Variants in PCDHGA2 observed in about 807,000 individuals in gnomAD.
PCDHGA2 encodes the protein protocadherin gamma subfamily A, 2.
In PCDHGA2, 40 loss-of-function variants were observed where a neutral mutation model predicts 59.2. The observed-to-expected ratio is 0.68, with a 90% CI of 0.52 to 0.88. The LOEUF (loss-of-function observed/expected upper bound fraction) is 0.88, where lower values mean the gene tolerates loss of function less well. Ranked by LOEUF, PCDHGA2 falls within the 40% of genes least tolerant of loss-of-function variation. The probability of loss-of-function intolerance (pLI) is 0.00; values close to 1 mark genes in which losing one functional copy is unlikely to be tolerated. For missense variants in PCDHGA2, 1,226 were observed against 1,204.0 expected, an observed-to-expected ratio of 1.02 and a Z score of -0.27; for synonymous variants, 560 against 526.0, an observed-to-expected ratio of 1.06 and a Z score of -0.89.
intron 1 of PCDHGA2, chr5:141,428,064 G>A: frequency 6.2e-7 from 1 of 1,609,060 alleles, no homozygotes; most frequent in East Asian, 2.2e-5. Flanking sequence ...GGCGGTGGAC[G>A]CAGATTCGGG....
intron 1 of PCDHGA2, chr5:141,393,144 G>T (rs745405842): frequency 1.2e-6 from 2 of 1,613,316 alleles, no homozygotes; most frequent in Non-Finnish European, 1.7e-6. Flanking sequence ...CACCCTGGTT[G>T]AGGATAAAGG....
chr5:141,474,608 T>C (rs1469173973), intron 1 of PCDHGA2, among the ~76,000 whole-genome samples: 1 of 152,268 alleles, frequency 6.6e-6, no homozygotes, highest in Non-Finnish European at 1.5e-5. Flanking sequence ...AGGTCACATA[T>C]GGCTTTTCAT....
chr5:141,356,310 C>A lies in PCDHGA2; in HGVS notation c.2424+14915C>A, dbSNP rs1396473104. ...CGGGTACAGTAATTGCACTTTTCAA[C>A]GTGCATGACAGTGACTCAGGAGGAA... On this transcript the variant is annotated intron_variant, in intron 1 of 3. Transcript: ENST00000394576. 7.7e-6 allele frequency: 12 copies of A among 1,553,978 alleles called. No homozygotes were observed. The highest frequency in any genetic ancestry group is 2.7e-5 in the African/African-American group (2 of 73,252).
intron 1 of PCDHGA2, chr5:141,395,849 C>G (rs1173151406): frequency 6.6e-6 from 1 of 152,094 alleles, no homozygotes; most frequent in African/African-American, 2.4e-5. Flanking sequence ...GGAGATGAGA[C>G]TGGTTACTAA....
intron 1 of PCDHGA2, chr5:141,395,547 TGTGTG>T (rs2093267739): frequency 0.011 from 1,902 of 174,314 alleles, 94 homozygotes; most frequent in African/African-American, 0.026. Flanking sequence ...ATTGTTTGTG[TGTGTG>T]TGTGTGTGTG....
intron 1 of PCDHGA2, chr5:141,398,715 G>A: frequency 1.2e-6 from 2 of 1,613,850 alleles, no homozygotes; most frequent in Non-Finnish European, 1.7e-6. Flanking sequence ...AACTGGCACT[G>A]GAGAAAACCT....
At position 141,421,819 on chromosome 5, in the gene PCDHGA2, G is replaced by C. The variant is rs752366104; in HGVS notation, c.2425-72988G>C. The C allele has an allele frequency of 3.8e-5, 61 of 1,613,688 alleles. No homozygotes were observed. Among genetic ancestry groups the C allele is most frequent in the Non-Finnish European group, 4.9e-5 (58 of 1,179,892 alleles). ...GGCCAAGAATCCAGAGCTAGTACTG[G>C]AGGGAAGCCTGGACCGAGAGAAAGA... On this transcript the variant is annotated intron_variant, in intron 1 of 3. Coordinates refer to ENST00000394576, the MANE Select transcript of PCDHGA2 (RefSeq NM_018915.4).
chr5:141,403,927 G>A, intron 1 of PCDHGA2: 3 of 1,613,852 alleles, frequency 1.9e-6, no homozygotes, highest in East Asian at 2.2e-5. Context: ...AAGATGGTGG[G>A]GGATTGAAAG....
In PCDHGA2 at chr5:141,471,046, CTTT is replaced by C. The variant is rs1170588345; in HGVS notation, c.2425-23743_2425-23741del. ...ATTTTTATTAACAAGCCCAAGCCCT[CTTT>C]TTTTTTTTTTTTTTTTTGAGACAGG... On this transcript the variant is annotated intron_variant, in intron 1 of 3. Coordinates refer to ENST00000394576, the MANE Select transcript of PCDHGA2 (RefSeq NM_018915.4). 4.8e-4 allele frequency among the ~76,000 whole-genome samples: 54 copies of C among 113,240 alleles called. 1 individual carries two copies. Among genetic ancestry groups the C allele is most frequent in the Middle Eastern group, 5.2e-3 (1 of 192 alleles). 74.3% of individuals were successfully genotyped at this position (113,240 alleles called of 152,430 possible).
At chr5:141,394,150 A>G in intron 1 of PCDHGA2, 3 of 1,613,916 alleles carry the variant, frequency 1.9e-6, no homozygotes, top group East Asian at 2.2e-5. Context: ...GCAGACATTA[A>G]CGACAACCCT....
At chr5:141,378,836 C>T (rs912790603) in intron 1 of PCDHGA2, 1 of 152,138 alleles carries the variant, frequency 6.6e-6, no homozygotes, top group African/African-American at 2.4e-5. Flanking sequence ...CAGAAAACAG[C>T]AGAGTTTTTG....
intron 1 of PCDHGA2, chr5:141,403,714 C>A: frequency 1.2e-6 from 2 of 1,613,910 alleles, no homozygotes; most frequent in South Asian, 1.1e-5. Context: ...TCCTTGAGAA[C>A]GTGCCCCCAG....
chr5:141,370,357 C>G, intron 1 of PCDHGA2: 2 of 1,511,536 alleles, frequency 1.3e-6, no homozygotes, highest in East Asian at 2.3e-5. Flanking sequence ...AAGATCTCCT[C>G]TCCTCGGATT....
At chr5:141,358,546 G>A (rs1278401378) in intron 1 of PCDHGA2, among the ~76,000 whole-genome samples, 2 of 152,144 alleles carry the variant, frequency 1.3e-5, no homozygotes, top group Non-Finnish European at 2.9e-5. Context: ...TCTTGTTGCT[G>A]TTCTGAGATG....
rs143767010 is a variant in PCDHGA2 at position 141,460,190 on chromosome 5, A to G, written c.2425-34617A>G. 3.2e-3 allele frequency among the ~76,000 whole-genome samples: 486 copies of G among 152,218 alleles called. 1 individual carries two copies. Among genetic ancestry groups the G allele is most frequent in the Non-Finnish European group, 4.9e-3 (336 of 68,006 alleles). ...TTTTGTGGATATTTTATCCCAGACTATGACTTGTCTTTTCATTTTCTTAGT... is the reference window on the plus strand; with the variant it reads ...TTTTGTGGATATTTTATCCCAGACTGTGACTTGTCTTTTCATTTTCTTAGT... On this transcript the variant is annotated intron_variant, in intron 1 of 3. Coordinates refer to ENST00000394576, the MANE Select transcript of PCDHGA2 (RefSeq NM_018915.4).
At chr5:141,400,498 A>G (rs1181845890) in intron 1 of PCDHGA2, 2 of 1,614,034 alleles carry the variant, frequency 1.2e-6, no homozygotes, top group Non-Finnish European at 1.7e-6. Flanking sequence ...TTGTAATTCC[A>G]GCGAGTCGAC....
intron 1 of PCDHGA2, chr5:141,379,581 T>A (rs1300858565): frequency 6.6e-6 from 1 of 152,240 alleles, no homozygotes; most frequent in Non-Finnish European, 1.5e-5. Context: ...TGGTTTATTT[T>A]ATTCTCTTAT....
chr5:141,511,320 A>G lies in PCDHGA2; in HGVS notation c.*147A>G. ...CATGCTCCCCTTGGGAAACAGAAAC[A>G]AGTGCCCAGTCAGCACCTACCCCTT... On this transcript the variant is annotated 3_prime_UTR_variant, in exon 4 of 4. Transcript: ENST00000394576. 6.8e-7 allele frequency: 1 copy of G among 1,475,678 alleles called. No homozygotes were observed. The highest frequency in any genetic ancestry group is 1.4e-5 in the South Asian group (1 of 72,746). 91.4% of individuals were successfully genotyped at this position (1,475,678 alleles called of 1,614,324 possible).
chr5:141,473,004 AAAAG>A (rs1215989598), intron 1 of PCDHGA2, among the ~76,000 whole-genome samples: 5 of 151,730 alleles, frequency 3.3e-5, no homozygotes, highest in Non-Finnish European at 7.4e-5. Context: ...AAAAGAAAGA[AAAAG>A]AAAAAGAAAG....
Sources: allele counts gnomAD v4.1 joint callset (sites outside exome capture counted in the v4.1 genomes callset), GRCh38; gene constraint gnomAD v4.1.1; transcripts MANE v1.5; gene names NCBI Gene and HGNC (gene_info 2026-07-23, HGNC 2026-07-21).